The following LMO7 variants were observed in gnomAD, a reference collection of about 807,000 sequenced individuals.
The protein encoded by LMO7 is LIM domain 7.
A neutral mutation model predicts 206.5 loss-of-function variants in LMO7; 120 were observed. The observed-to-expected ratio is 0.58, with a 90% CI of 0.50 to 0.68. The LOEUF (loss-of-function observed/expected upper bound fraction) is 0.68. Ranked by LOEUF, LMO7 falls within the 30% of genes least tolerant of loss-of-function variation. The pLI is 0.00. For synonymous variants in LMO7, 706 were observed against 681.5 expected (o/e 1.04, Z -0.56); for missense variants, 1,959 against 1,957.9 (o/e 1.00, Z -0.01).
chr13:75,711,152 G>A (rs1337644161), intron 1 of LMO7, among the ~76,000 whole-genome samples: 2 of 152,290 alleles, frequency 1.3e-5, no homozygotes, highest in East Asian at 1.9e-4. Context: ...ATGAAGCCCA[G>A]TTGATCATGG....
chr13:75,710,417 C>A, intron 1 of LMO7, among the ~76,000 whole-genome samples: 1 of 152,120 alleles, frequency 6.6e-6, no homozygotes, highest in African/African-American at 2.4e-5. Flanking sequence ...GATATTGATT[C>A]TTCTATCCAT....
intron 1 of LMO7, among the ~76,000 whole-genome samples, chr13:75,664,893 C>T (rs1014244083): frequency 6.6e-6 from 1 of 152,114 alleles, no homozygotes; most frequent in African/African-American, 2.4e-5. Flanking sequence ...TAATCCCCAT[C>T]CTTTATACAT....
intron 29 of LMO7, among the ~76,000 whole-genome samples, chr13:75,856,037 T>G (rs951845028): frequency 6.6e-6 from 1 of 152,126 alleles, no homozygotes; most frequent in Non-Finnish European, 1.5e-5. Flanking sequence ...TAATTAGAGT[T>G]TGGGCACATG....
chr13:75,623,442 C>A, intron 2 of LMO7: 1 of 596,578 alleles, frequency 1.7e-6, no homozygotes, highest in Non-Finnish European at 3.0e-6. Flanking sequence ...AGGGTCACTG[C>A]AACCTCTGCC....
At chr13:75,839,585 T>C (rs1484584081) in intron 20 of LMO7, 1 of 153,356 alleles carries the variant, frequency 6.5e-6, no homozygotes, top group African/African-American at 2.4e-5. Context: ...AAATTGTTTC[T>C]TGAACATGTT....
intron 1 of LMO7, among the ~76,000 whole-genome samples, chr13:75,687,018 C>G (rs2041068879): frequency 6.6e-6 from 1 of 152,154 alleles, no homozygotes; most frequent in Non-Finnish European, 1.5e-5. Context: ...CCTCCTAATA[C>G]TGTCACATTG....
At chr13:75,647,954 T>TCTTTC (rs201952404) in intron 1 of LMO7, among the ~76,000 whole-genome samples, 14 of 134,570 alleles carry the variant, frequency 1.0e-4, no homozygotes, top group African/African-American at 3.8e-4. Context: ...TTTCTTTCTT[T>TCTTTC]TTTTTTTTTT....
intron 27 of LMO7, among the ~76,000 whole-genome samples, chr13:75,852,526 T>C (rs74865605): frequency 0.016 from 2,451 of 152,146 alleles, 77 homozygotes; most frequent in African/African-American, 0.055. Context: ...AAAAAGAAGG[T>C]TGATTGACTA....
intron 2 of LMO7, among the ~76,000 whole-genome samples, chr13:75,714,855 C>T (rs1405508345): frequency 6.6e-6 from 1 of 151,514 alleles, no homozygotes; most frequent in Admixed American, 6.6e-5. Flanking sequence ...ATGTGACCTG[C>T]AAACTACTTT....
chr13:75,835,125 C>T (rs1261886755), intron 17 of LMO7, 108 bp from the exon 18 acceptor site: 2 of 1,451,264 alleles, frequency 1.4e-6, no homozygotes, highest in Non-Finnish European at 1.8e-6. Context: ...TCTATGTGTA[C>T]TCATTTGATC....
rs1357156332 is a variant in LMO7, at chr13:75,858,947, A to C, written c.*1004A>C. ...ATAAAGTTATGTTTTTGGATACAAT[A>C]TATTTGTATGGTGAGAGTGATGAAT... On this transcript the variant is annotated 3_prime_UTR_variant, in exon 31 of 31. Transcript: ENST00000377534. 1 of 152,214 alleles carries C rather than the reference A, an allele frequency of 6.6e-6. No homozygotes were observed. Among genetic ancestry groups the C allele is most frequent in the African/African-American group, 2.4e-5 (1 of 41,460 alleles). 9.4% of individuals were successfully genotyped at this position (152,214 alleles called of 1,614,324 possible).
At chr13:75,716,206 C>A (rs1048738539) in intron 2 of LMO7, among the ~76,000 whole-genome samples, 3 of 152,110 alleles carry the variant, frequency 2.0e-5, no homozygotes, top group African/African-American at 7.2e-5. Flanking sequence ...TCCTTTTGAA[C>A]TGGTGTTCTG....
intron 3 of LMO7, among the ~76,000 whole-genome samples, chr13:75,731,895 G>A (rs1343524847): frequency 6.6e-6 from 1 of 151,996 alleles, no homozygotes; most frequent in African/African-American, 2.4e-5. Flanking sequence ...ATGAAGCTTA[G>A]TTTGGCTGGA....
intron 11 of LMO7, among the ~76,000 whole-genome samples, chr13:75,816,189 G>T (rs2056970684): frequency 6.6e-6 from 1 of 152,196 alleles, no homozygotes; most frequent in African/African-American, 2.4e-5. Context: ...GAGCAAACAT[G>T]CTTTAAAAGA....
intron 2 of LMO7, among the ~76,000 whole-genome samples, chr13:75,630,718 G>A (rs1033014787): frequency 1.1e-4 from 16 of 152,168 alleles, no homozygotes; most frequent in Admixed American, 9.2e-4. Context: ...AAAGTTCAGT[G>A]ATGTTTTTCC....
chr13:75,828,349 G>A (rs962125287), intron 15 of LMO7, among the ~76,000 whole-genome samples: 2 of 152,134 alleles, frequency 1.3e-5, no homozygotes, highest in African/African-American at 2.4e-5. Context: ...AAATGCCTGC[G>A]CCACAACTGC....
At chr13:75,843,215 T>C (rs2059694009) in intron 25 of LMO7, among the ~76,000 whole-genome samples, 1 of 152,176 alleles carries the variant, frequency 6.6e-6, no homozygotes, top group Non-Finnish European at 1.5e-5. Flanking sequence ...GCTCTGCTTT[T>C]GGGGGTTGGC....
At chr13:75,834,629 C>T (rs1483717284) in intron 17 of LMO7, among the ~76,000 whole-genome samples, 1 of 152,112 alleles carries the variant, frequency 6.6e-6, no homozygotes, top group African/African-American at 2.4e-5. Flanking sequence ...ACTGGTTTGA[C>T]TGAATGCAAA....
intron 3 of LMO7, among the ~76,000 whole-genome samples, chr13:75,747,487 A>T (rs2046943561): frequency 1.3e-5 from 2 of 152,224 alleles, no homozygotes; most frequent in South Asian, 4.1e-4. Flanking sequence ...CACTCACTGT[A>T]TGCTAGAAAC....
Sources: gnomAD v4.1 joint callset for allele counts (sites outside exome capture counted in the v4.1 genomes callset) on GRCh38, gnomAD v4.1.1 for gene constraint, MANE v1.5 for transcripts, NCBI Gene and HGNC (gene_info 2026-07-23, HGNC 2026-07-21) for gene names.